The following KIAA1549L variants were observed in gnomAD, a reference collection of about 807,000 sequenced individuals.
KIAA1549L encodes KIAA1549 like.
A neutral mutation model predicts 160.7 loss-of-function variants in KIAA1549L; 88 were observed. The ratio of observed to expected loss-of-function variants is 0.55; its 90% CI spans 0.46 to 0.65. The LOEUF (loss-of-function observed/expected upper bound fraction) is 0.65, where lower values mean the gene tolerates loss of function less well. KIAA1549L is among the 30% of genes least tolerant of loss of function. The probability of loss-of-function intolerance (pLI) is 0.00; values close to 1 mark genes in which losing one functional copy is unlikely to be tolerated. For missense variants in KIAA1549L, 2,258 were observed against 2,437.5 expected (o/e 0.93, Z 1.55); for synonymous variants, 950 against 976.7 (o/e 0.97, Z 0.51).
intron 1 of KIAA1549L, among the ~76,000 whole-genome samples, chr11:33,390,736 T>G (rs540029179): frequency 2.6e-5 from 4 of 152,318 alleles, no homozygotes; most frequent in East Asian, 3.9e-4. Flanking sequence ...AAAAGACAAC[T>G]TCACATGTTG....
intron 11 of KIAA1549L, 79 bp downstream of exon 11, chr11:33,583,580 G>A: frequency 7.4e-7 from 1 of 1,345,098 alleles, no homozygotes; most frequent in Non-Finnish European, 1.0e-6. Flanking sequence ...TGCCTTTTGA[G>A]GCCATTGCCA....
intron 16 of KIAA1549L, among the ~76,000 whole-genome samples, chr11:33,630,753 C>T (rs59997286): frequency 0.019 from 2,856 of 152,078 alleles, 107 homozygotes; most frequent in African/African-American, 0.064. Flanking sequence ...GCGTCGCTCA[C>T]GCTGGGAGCT....
At position 33,668,008 on chromosome 11, in the gene KIAA1549L, G is replaced by A. The variant is rs1470060554; in HGVS notation, c.6295G>A (p.Ala2099Thr). Residue 2099 changes from alanine to threonine, a missense_variant, in exon 21 of 21, where the codon GCG (alanine) becomes ACG (threonine). Physicochemically the swap from Ala to Thr is moderately conservative, Grantham distance 58. This residue lies in a region of KIAA1549L where 1,359 missense variants were observed against 1,546.6 expected (regional missense o/e 0.88). Coordinates refer to ENST00000658780, the MANE Select transcript of KIAA1549L (RefSeq NM_012194.3). Reference protein sequence around the residue: ...SLEQAPAPSTAASQQSLAEND... With the variant: ...SLEQAPAPSTTASQQSLAEND... ...GGAGCAGGCCCCGGCGCCCTCCACA[G>A]CGGCCTCGCAGCAGAGCCTGGCAGA... 1 of 1,613,864 alleles carries A rather than the reference G, an allele frequency of 6.2e-7. No homozygotes were observed. The highest frequency in any genetic ancestry group is 1.3e-5 in the African/African-American group (1 of 74,944).
chr11:33,415,640 G>A (rs950721406), intron 1 of KIAA1549L, among the ~76,000 whole-genome samples: 5 of 152,090 alleles, frequency 3.3e-5, no homozygotes, highest in Admixed American at 1.3e-4. Flanking sequence ...TCTGTACTGC[G>A]CAGGTGGATA....
Position 33,645,740 on chromosome 11 carries a change from G to A in KIAA1549L, c.5464G>A (p.Gly1822Ser). ...CATTGACAGAGTTCCTGAGCCCCGG[G>A]GCTATTCCAGGTCTCGACAGGTGAA... ...TNIDRVPEPR[G>S]YSRSRQVKGH... Residue 1822 changes from glycine to serine, a missense_variant, in exon 17 of 21, where the codon GGC becomes AGC. Gly to Ser is a moderately conservative substitution (Grantham distance 56, BLOSUM62 0). Coordinates refer to ENST00000658780, the MANE Select transcript of KIAA1549L (RefSeq NM_012194.3). 1 of 1,613,948 alleles carries A rather than the reference G, an allele frequency of 6.2e-7. No individual in the cohort carries two copies. The highest frequency in any genetic ancestry group is 8.5e-7 in the Non-Finnish European group (1 of 1,179,868).
chr11:33,581,336 T>C (rs1365539650), intron 10 of KIAA1549L, among the ~76,000 whole-genome samples: 2 of 152,140 alleles, frequency 1.3e-5, no homozygotes, highest in Non-Finnish European at 2.9e-5. Flanking sequence ...TTGCTGTACG[T>C]GAGAATAATT....
intron 1 of KIAA1549L, among the ~76,000 whole-genome samples, chr11:33,515,160 T>C (rs894822630): frequency 6.6e-6 from 1 of 152,200 alleles, no homozygotes; most frequent in African/African-American, 2.4e-5. Flanking sequence ...ACCCAGTGGT[T>C]TGGAGTACAG....
At chr11:33,573,055 T>C (rs1855320127) in intron 9 of KIAA1549L, among the ~76,000 whole-genome samples, 1 of 152,260 alleles carries the variant, frequency 6.6e-6, no homozygotes, top group African/African-American at 2.4e-5. Flanking sequence ...TATGTGCTAA[T>C]TGGTTATTCA....
chr11:33,530,023 C>CA (rs1853702665), intron 1 of KIAA1549L, among the ~76,000 whole-genome samples: 1 of 152,098 alleles, frequency 6.6e-6, no homozygotes, highest in Non-Finnish European at 1.5e-5. Context: ...TCTGTATCCT[C>CA]AAAGTCTTTC....
intron 8 of KIAA1549L, among the ~76,000 whole-genome samples, chr11:33,562,678 CTTT>C (rs35756207): frequency 3.0e-5 from 4 of 134,026 alleles, no homozygotes; most frequent in Admixed American, 7.6e-5. Context: ...TTCATTTCCT[CTTT>C]TTTTTTTTTT....
chr11:33,565,861 A>G (rs1249815513), intron 8 of KIAA1549L, among the ~76,000 whole-genome samples: 2 of 152,024 alleles, frequency 1.3e-5, no homozygotes, highest in Non-Finnish European at 2.9e-5. Context: ...CTACAAAAAC[A>G]AAAAATAGCC....
chr11:33,612,599 GTT>G, intron 15 of KIAA1549L, among the ~76,000 whole-genome samples: 1 of 143,192 alleles, frequency 7.0e-6, no homozygotes, highest in African/African-American at 2.5e-5. Flanking sequence ...AGACTGGGTA[GTT>G]TTTTTTTTTT....
intron 1 of KIAA1549L, among the ~76,000 whole-genome samples, chr11:33,498,427 A>G (rs2133081787): frequency 6.6e-6 from 1 of 152,264 alleles, no homozygotes; most frequent in East Asian, 1.9e-4. Flanking sequence ...ATCCCATTCC[A>G]CAGGGCACAG....
At chr11:33,601,578 A>G (rs1349675190) in intron 13 of KIAA1549L, among the ~76,000 whole-genome samples, 1 of 152,210 alleles carries the variant, frequency 6.6e-6, no homozygotes, top group Non-Finnish European at 1.5e-5. Context: ...CTGTATGCAC[A>G]TGGCCTCTGA....
At chr11:33,506,636 A>C (rs1258839338) in intron 1 of KIAA1549L, among the ~76,000 whole-genome samples, 2 of 151,548 alleles carry the variant, frequency 1.3e-5, no homozygotes, top group African/African-American at 4.8e-5. Context: ...GGATCCCTTG[A>C]GTACAGGAAT....
intron 1 of KIAA1549L, among the ~76,000 whole-genome samples, chr11:33,468,025 TC>T (rs1852098664): frequency 6.6e-6 from 1 of 152,214 alleles, no homozygotes; most frequent in African/African-American, 2.4e-5. Flanking sequence ...GCCACATTTT[TC>T]CCCTGACAAA....
intron 1 of KIAA1549L, among the ~76,000 whole-genome samples, chr11:33,440,457 C>T (rs1851478938): frequency 6.6e-6 from 1 of 152,270 alleles, no homozygotes; most frequent in East Asian, 1.9e-4. Context: ...AACTTAAACA[C>T]TCTGTTTCTA....
chr11:33,630,545 A>G lies in KIAA1549L; in HGVS notation c.5409+11883A>G, dbSNP rs1216828146. 3.3e-5 allele frequency among the ~76,000 whole-genome samples: 5 copies of G among 152,378 alleles called. No individual in the cohort carries two copies. The East Asian group carries it at 9.7e-4, about 29-fold the overall frequency. On this transcript the variant is annotated intron_variant, in intron 16 of 20. Transcript: ENST00000658780. ...TCGGGTGGGAGTGACCCGATTTTCC[A>G]GGTGCCGTTTGTCACCCCTTTCTTT... is the stretch of plus-strand genomic sequence containing the variant.
chr11:33,522,713 G>A (rs983289828), intron 1 of KIAA1549L, among the ~76,000 whole-genome samples: 13 of 152,256 alleles, frequency 8.5e-5, no homozygotes, highest in African/African-American at 2.9e-4. Context: ...CTGGGTAACA[G>A]AGAGAGACCG....
Sources: gnomAD v4.1 joint callset for allele counts (sites outside exome capture counted in the v4.1 genomes callset) on GRCh38, gnomAD v4.1.1 for gene constraint, gnomAD v4.1.1 regional missense constraint, MANE v1.5 for transcripts, NCBI Gene and HGNC (gene_info 2026-07-23, HGNC 2026-07-21) for gene names.